ATF2: variants seen among roughly 807,000 people sequenced by gnomAD.
The protein encoded by ATF2 is cyclic AMP-dependent transcription factor ATF-2.
ATF2 carries 24 observed loss-of-function variants against 60.6 expected under a neutral mutation model. The ratio of observed to expected loss-of-function variants is 0.40; its 90% CI spans 0.29 to 0.56. The LOEUF (loss-of-function observed/expected upper bound fraction) is 0.56. ATF2 is among the 20% of genes least tolerant of loss of function. ATF2 has a pLI of 0.54. For missense variants in ATF2, 433 were observed against 607.7 expected, an observed-to-expected ratio of 0.71 and a Z score of 3.02; for synonymous variants, 206 against 215.4, an observed-to-expected ratio of 0.96 and a Z score of 0.38.
chr2:175,123,014 G>T (rs1167529396), intron 4 of ATF2, among the ~76,000 whole-genome samples: 3 of 151,984 alleles, frequency 2.0e-5, no homozygotes, highest in Non-Finnish European at 4.4e-5. Context: ...CACTGAAGGA[G>T]AGTGTTCAGA....
intron 10 of ATF2, 89 bp downstream of exon 10, chr2:175,111,479 C>A: frequency 8.4e-7 from 1 of 1,191,748 alleles, no homozygotes; most frequent in South Asian, 1.4e-5. Flanking sequence ...AAAATGTGAT[C>A]TAAATTGTGC....
chr2:175,148,390 T>C (rs961577699), intron 2 of ATF2, among the ~76,000 whole-genome samples: 2 of 149,418 alleles, frequency 1.3e-5, no homozygotes, highest in South Asian at 2.1e-4. Flanking sequence ...GGAGACAGCA[T>C]GTTGAGGCAC....
chr2:175,113,868 A>T (rs1696371879), intron 9 of ATF2, 126 bp downstream of exon 9: 2 of 842,860 alleles, frequency 2.4e-6, no homozygotes. Flanking sequence ...TAACAAATAA[A>T]TACTATCAAC....
chr2:175,098,598 C>T (rs1002382553), intron 10 of ATF2, among the ~76,000 whole-genome samples: 1 of 152,092 alleles, frequency 6.6e-6, no homozygotes, highest in African/African-American at 2.4e-5. Flanking sequence ...CTACCCAGTG[C>T]TTCCCAAACT....
chr2:175,128,111 T>C (rs1697468213), intron 4 of ATF2, among the ~76,000 whole-genome samples: 1 of 152,220 alleles, frequency 6.6e-6, no homozygotes, highest in African/African-American at 2.4e-5. Flanking sequence ...CACAATCATT[T>C]GATTTTCATT....
chr2:175,158,359 G>A (rs1574506408), intron 1 of ATF2, among the ~76,000 whole-genome samples: 1 of 151,104 alleles, frequency 6.6e-6, no homozygotes, highest in African/African-American at 2.4e-5. Context: ...CTCAGTAGGC[G>A]GAACCACAGG....
intron 1 of ATF2, among the ~76,000 whole-genome samples, chr2:175,161,419 G>GTA (rs1700021039): frequency 6.6e-6 from 1 of 152,136 alleles, no homozygotes; most frequent in Non-Finnish European, 1.5e-5. Flanking sequence ...ATTAAGTATT[G>GTA]TATATATATC....
At chr2:175,108,297 C>T (rs1366368087) in intron 10 of ATF2, among the ~76,000 whole-genome samples, 5 of 151,934 alleles carry the variant, frequency 3.3e-5, no homozygotes, top group Non-Finnish European at 7.4e-5. Context: ...CTCCGTCCGG[C>T]AGCCACCCCG....
chr2:175,144,806 C>T (rs1040921157), intron 2 of ATF2, among the ~76,000 whole-genome samples: 2 of 152,156 alleles, frequency 1.3e-5, no homozygotes, highest in African/African-American at 4.8e-5. Flanking sequence ...AAGGCGGCAT[C>T]CACATGAAGT....
chr2:175,107,491 A>G (rs1451591192), intron 10 of ATF2, among the ~76,000 whole-genome samples: 2 of 151,578 alleles, frequency 1.3e-5, no homozygotes, highest in East Asian at 3.9e-4. Flanking sequence ...ACAATTGCTG[A>G]GCAGATATCC....
chr2:175,109,668 T>C (rs1214733376), intron 10 of ATF2, among the ~76,000 whole-genome samples: 3 of 152,348 alleles, frequency 2.0e-5, no homozygotes, highest in South Asian at 2.1e-4. Context: ...TTAGATGCAG[T>C]ACACAATAAC....
chr2:175,146,701 T>C (rs1170793221), intron 2 of ATF2, among the ~76,000 whole-genome samples: 1 of 152,168 alleles, frequency 6.6e-6, no homozygotes. Flanking sequence ...AATAGAGTGA[T>C]GAAATCGCAT....
rs188325630 is a variant in ATF2 at position 175,083,363 on chromosome 2, C to A, written c.1186-2598G>T. 2.5e-3 allele frequency among the ~76,000 whole-genome samples: 373 copies of A among 152,232 alleles called. 1 individual carries two copies. Among genetic ancestry groups the A allele is most frequent in the Admixed American group, 9.6e-3 (146 of 15,284 alleles). On this transcript the variant is annotated intron_variant, in intron 12 of 13. Transcript: ENST00000264110. ...CGCCGCATATGTACAACTATCTGAT[C>A]GTTGACAAACCTGAGAAAAACAAGC...
At chr2:175,078,799 TTAC>T (rs1199600500) in intron 13 of ATF2, among the ~76,000 whole-genome samples, 1 of 152,194 alleles carries the variant, frequency 6.6e-6, no homozygotes, top group Non-Finnish European at 1.5e-5. Flanking sequence ...GTATCTATTT[TTAC>T]TACTACACAA....
At chr2:175,135,876 T>C (rs17270525) in intron 3 of ATF2, among the ~76,000 whole-genome samples, 14,787 of 152,226 alleles carry the variant, frequency 0.097, 806 homozygotes, top group Middle Eastern at 0.17. Flanking sequence ...CTGTTTCTTT[T>C]TCAAATAGTA....
intron 7 of ATF2, among the ~76,000 whole-genome samples, chr2:175,115,080 T>TG (rs60640892): frequency 2.0e-5 from 3 of 149,542 alleles, no homozygotes; most frequent in African/African-American, 7.4e-5. Flanking sequence ...AAAGACTCGT[T>TG]TTTTTTTTTT....
At chr2:175,135,492 G>A (rs1302096862) in intron 3 of ATF2, among the ~76,000 whole-genome samples, 1 of 152,124 alleles carries the variant, frequency 6.6e-6, no homozygotes, top group African/African-American at 2.4e-5. Context: ...ACCATGAATT[G>A]AGCAGTATAC....
chr2:175,115,496 G>A (rs1337390139), intron 7 of ATF2, among the ~76,000 whole-genome samples: 1 of 152,160 alleles, frequency 6.6e-6, no homozygotes, highest in Non-Finnish European at 1.5e-5. Context: ...AGACCTTAAA[G>A]ATGGTATTTC....
intron 1 of ATF2, among the ~76,000 whole-genome samples, chr2:175,155,173 C>G (rs1699594604): frequency 6.6e-6 from 1 of 152,178 alleles, no homozygotes. Flanking sequence ...TGTTTGCTTT[C>G]CCAAAGATGA....
Sources: gnomAD v4.1 joint callset for allele counts (sites outside exome capture counted in the v4.1 genomes callset) on GRCh38, gnomAD v4.1.1 for gene constraint, MANE v1.5 for transcripts, NCBI Gene and HGNC (gene_info 2026-07-23, HGNC 2026-07-21) for gene names.